LRRC7: variants seen among roughly 807,000 people sequenced by gnomAD.
The protein encoded by LRRC7 is leucine rich repeat containing 7, also known as leucine-rich repeat-containing protein 7.
Under a neutral mutation model 175.7 loss-of-function variants are expected in LRRC7, and 23 were observed. That is an observed-to-expected ratio of 0.13 (90% CI 0.09 to 0.19). The LOEUF (loss-of-function observed/expected upper bound fraction) is 0.19, where lower values mean the gene tolerates loss of function less well. Among genes scored for constraint, LRRC7 ranks in the 10% least tolerant of loss-of-function variants. LRRC7 has a pLI of 1.00. For missense variants in LRRC7, 1,354 were observed against 1,904.7 expected, an observed-to-expected ratio of 0.71 and a Z score of 5.38; for synonymous variants, 685 against 680.9, an observed-to-expected ratio of 1.01 and a Z score of -0.09.
chr1:70,132,272 T>G lies in LRRC7; in HGVS notation c.*10385T>G, dbSNP rs1666695695. ...CTCTTCCAGATGTCAAAAGAAGAAT[T>G]TACAGTGAAAAATAAGGTGCATATT... On this transcript the variant is annotated 3_prime_UTR_variant, in exon 27 of 27. Transcript: ENST00000651989. 1 of 152,184 alleles carries G rather than the reference T, an allele frequency of 6.6e-6. No homozygotes were observed. Among genetic ancestry groups the G allele is most frequent in the Non-Finnish European group, 1.5e-5 (1 of 68,078 alleles). 9.4% of individuals were successfully genotyped at this position (152,184 alleles called of 1,614,324 possible).
chr1:69,974,228 C>T (rs755969806), intron 8 of LRRC7, among the ~76,000 whole-genome samples: 2 of 152,060 alleles, frequency 1.3e-5, no homozygotes, highest in African/African-American at 4.8e-5. Context: ...ATTTTAACAA[C>T]ATATTACTTT....
chr1:70,085,130 A>G (rs1305562730), intron 24 of LRRC7, among the ~76,000 whole-genome samples: 4 of 152,138 alleles, frequency 2.6e-5, no homozygotes, highest in Non-Finnish European at 5.9e-5. Context: ...TTGAAGCACA[A>G]AAGTTTTTAG....
At chr1:69,927,373 A>T (rs931197722) in intron 7 of LRRC7, among the ~76,000 whole-genome samples, 18 of 152,282 alleles carry the variant, frequency 1.2e-4, no homozygotes, top group Non-Finnish European at 2.2e-4. Flanking sequence ...AGATTGGGGA[A>T]GTTCTCCTGG....
chr1:69,602,055 AGTT>A (rs1433839821), intron 1 of LRRC7, among the ~76,000 whole-genome samples: 7 of 152,330 alleles, frequency 4.6e-5, no homozygotes, highest in Admixed American at 3.9e-4. Flanking sequence ...AATCTTAAGA[AGTT>A]GGAAGGGCAA....
intron 3 of LRRC7, among the ~76,000 whole-genome samples, chr1:69,778,537 C>T (rs1673076378): frequency 6.6e-6 from 1 of 152,130 alleles, no homozygotes; most frequent in Admixed American, 6.6e-5. Flanking sequence ...TCCTGCTTTG[C>T]TTGGGGATCA....
intron 11 of LRRC7, among the ~76,000 whole-genome samples, chr1:70,004,392 T>C (rs1655812792): frequency 1.3e-5 from 2 of 152,136 alleles, no homozygotes; most frequent in African/African-American, 4.8e-5. Flanking sequence ...CTAAATTAAG[T>C]GAAATTGATT....
intron 8 of LRRC7, among the ~76,000 whole-genome samples, chr1:69,934,064 T>TG (rs1647684051): frequency 6.6e-6 from 1 of 152,164 alleles, no homozygotes; most frequent in Admixed American, 6.5e-5. Context: ...GTCATATGCA[T>TG]GGAACTGGCT....
intron 2 of LRRC7, among the ~76,000 whole-genome samples, chr1:69,696,385 C>G (rs2103940): frequency 1.3e-3 from 201 of 152,266 alleles, no homozygotes; most frequent in African/African-American, 4.8e-3. Context: ...ACCATTATAT[C>G]TTGGAAGTAA....
intron 3 of LRRC7, among the ~76,000 whole-genome samples, chr1:69,765,210 C>CGT (rs1370244050): frequency 6.6e-6 from 1 of 152,058 alleles, no homozygotes; most frequent in African/African-American, 2.4e-5. Context: ...TTTACTGATA[C>CGT]GTAAGTCCAA....
intron 2 of LRRC7, among the ~76,000 whole-genome samples, chr1:69,714,105 CA>C (rs1469486387): frequency 6.6e-6 from 1 of 152,100 alleles, no homozygotes; most frequent in Non-Finnish European, 1.5e-5. Context: ...CCTTGCTCTC[CA>C]GGCCTTCCCT....
chr1:69,707,867 A>G (rs138881077), intron 2 of LRRC7, among the ~76,000 whole-genome samples: 85 of 152,300 alleles, frequency 5.6e-4, no homozygotes, highest in African/African-American at 1.8e-3. Flanking sequence ...TCATTTTGTT[A>G]TAATGGTCAG....
At chr1:69,646,965 T>G (rs761201695) in intron 1 of LRRC7, among the ~76,000 whole-genome samples, 5 of 152,036 alleles carry the variant, frequency 3.3e-5, no homozygotes, top group Non-Finnish European at 7.4e-5. Context: ...ATATCAGAGC[T>G]GGCCTACGTC....
chr1:69,972,913 T>C (rs1371435831), intron 8 of LRRC7, among the ~76,000 whole-genome samples: 1 of 147,298 alleles, frequency 6.8e-6, no homozygotes, highest in African/African-American at 2.5e-5. Flanking sequence ...TATATATAAC[T>C]ATATATTTTT....
Position 69,748,808 on chromosome 1 carries a change from C to A in LRRC7, c.101-11383C>A, listed in dbSNP as rs542570672. On this transcript the variant is annotated intron_variant, in intron 2 of 26. Coordinates refer to ENST00000651989, the MANE Select transcript of LRRC7 (RefSeq NM_001370785.2). ...AGTCTGTCAATAAAATAGCCTCTATCTGACTACTTCTGCTCTGCTCTTTTA... is the reference window on the plus strand; with the variant it reads ...AGTCTGTCAATAAAATAGCCTCTATATGACTACTTCTGCTCTGCTCTTTTA... Among the ~76,000 whole-genome samples, 15 of 152,250 alleles carry A rather than the reference C, an allele frequency of 9.9e-5. No homozygotes were observed. The South Asian group carries it at 2.7e-3, about 27-fold the overall frequency.
intron 18 of LRRC7, among the ~76,000 whole-genome samples, chr1:70,029,754 A>G (rs956143210): frequency 3.9e-5 from 6 of 152,176 alleles, no homozygotes; most frequent in African/African-American, 1.4e-4. Flanking sequence ...ATGAAAATCT[A>G]TAAACTGGAT....
At chr1:70,013,275 T>A (rs1656678538) in intron 13 of LRRC7, among the ~76,000 whole-genome samples, 186 bp downstream of exon 13, 1 of 152,060 alleles carries the variant, frequency 6.6e-6, no homozygotes, top group South Asian at 2.1e-4. Flanking sequence ...ATTTTGTTAT[T>A]TGATTATATC....
chr1:69,795,901 A>AC (rs1557739357), intron 4 of LRRC7, among the ~76,000 whole-genome samples: 8 of 141,630 alleles, frequency 5.6e-5, no homozygotes, highest in African/African-American at 8.7e-5. Context: ...GAGTAAACAG[A>AC]TTTTTTTTGG....
At chr1:69,699,761 G>T (rs1438792597) in intron 2 of LRRC7, among the ~76,000 whole-genome samples, 1 of 152,184 alleles carries the variant, frequency 6.6e-6, no homozygotes, top group African/African-American at 2.4e-5. Flanking sequence ...GCCTACTTCT[G>T]ATGGACAGGA....
intron 2 of LRRC7, among the ~76,000 whole-genome samples, chr1:69,693,235 T>A (rs1037454654): frequency 1.3e-5 from 2 of 152,144 alleles, no homozygotes; most frequent in Admixed American, 6.5e-5. Flanking sequence ...ATAGATGATA[T>A]AGACATCTAT....
Sources: allele counts gnomAD v4.1 joint callset (sites outside exome capture counted in the v4.1 genomes callset), GRCh38; gene constraint gnomAD v4.1.1; transcripts MANE v1.5; gene names NCBI Gene and HGNC (gene_info 2026-07-23, HGNC 2026-07-21).